The following FLYWCH1 variants were observed in gnomAD, a reference collection of about 807,000 sequenced individuals.
FLYWCH1 encodes FLYWCH-type zinc finger-containing protein 1.
A neutral mutation model predicts 66.4 loss-of-function variants in FLYWCH1; 75 were observed. That is an observed-to-expected ratio of 1.13 (90% CI 0.94 to 1.37). The LOEUF (loss-of-function observed/expected upper bound fraction) is 1.37, where lower values mean the gene tolerates loss of function less well. FLYWCH1 is among the 40% of genes most tolerant of loss of function. FLYWCH1 has a pLI of 0.00. For missense variants in FLYWCH1, 1,334 were observed against 1,001.8 expected (o/e 1.33, Z -4.48); for synonymous variants, 595 against 429.9 (o/e 1.38, Z -4.75).
At chr16:2,932,591 C>T (rs987212924) in intron 4 of FLYWCH1, among the ~76,000 whole-genome samples, 3 of 152,144 alleles carry the variant, frequency 2.0e-5, no homozygotes, top group African/African-American at 4.8e-5. Context: ...CTGCCCTGGG[C>T]ACCTGGGGTG....
In FLYWCH1 at chr16:2,929,626, C is replaced by T; in HGVS notation, c.-60C>T. 1 of 1,538,798 alleles carries T rather than the reference C, an allele frequency of 6.5e-7. No individual in the cohort carries two copies. The highest frequency in any genetic ancestry group is 1.2e-5 in the South Asian group (1 of 82,086). On this transcript the variant is annotated 5_prime_UTR_variant, in exon 3 of 10. Transcript: ENST00000253928. ...TTCCTTCCTTAGGACGGAACCACTG[C>T]ACTCCAGGTTCCTTGCTGGGTGCTG...
chr16:2,916,360 G>A (rs182451268), intron 2 of FLYWCH1, among the ~76,000 whole-genome samples: 1 of 150,692 alleles, frequency 6.6e-6, no homozygotes, highest in East Asian at 2.0e-4. Context: ...TACAGGCCGG[G>A]TGTGGTGGCT....
At chr16:2,921,824 G>C (rs11643446) in intron 2 of FLYWCH1, among the ~76,000 whole-genome samples, 5,763 of 152,272 alleles carry the variant, frequency 0.038, 171 homozygotes, top group Middle Eastern at 0.095. Flanking sequence ...AGCACTTTGG[G>C]AGGCCAAGAC....
chr16:2,929,814 G>C lies in FLYWCH1; in HGVS notation c.129G>C (p.Val43=), dbSNP rs1374989783. 5.0e-6 allele frequency: 8 copies of C among 1,613,868 alleles called. No individual in the cohort carries two copies. The African/African-American group carries it at 1.1e-4, about 22-fold the overall frequency. The part of the protein sequence containing the change: ...PRKPREFSKL[V]LLTASDQDED... ...AGCCCAGGGAGTTCTCCAAACTGGT[G>C]CTGCTCACAGCCTCCGACCAAGATG... Residue 43 remains valine (V), a synonymous_variant, in exon 3 of 10, where the codon GTG becomes GTC. Coordinates refer to ENST00000253928, the MANE Select transcript of FLYWCH1 (RefSeq NM_001308068.2).
intron 2 of FLYWCH1, among the ~76,000 whole-genome samples, chr16:2,926,354 A>G (rs2150931418): frequency 6.6e-6 from 1 of 152,374 alleles, no homozygotes; most frequent in Non-Finnish European, 1.5e-5. Context: ...AAGCAGCTTT[A>G]GAACCGTTTC....
intron 2 of FLYWCH1, among the ~76,000 whole-genome samples, chr16:2,921,675 T>C (rs1955302574): frequency 6.6e-6 from 1 of 151,982 alleles, no homozygotes; most frequent in Non-Finnish European, 1.5e-5. Context: ...GGTGGGAAGA[T>C]GGCTTGAGCC....
rs887423892 is a variant in FLYWCH1, at chr16:2,938,124, C to A, written c.1778-60C>A. ...GCCTGGCTGGGGGATACAAATCAGA[C>A]CCCCAGCCCTGCCACCCAGGCCCCT... On this transcript the variant is annotated intron_variant, in intron 7 of 9. Transcript: ENST00000253928. 6 of 1,531,554 alleles carry A rather than the reference C, an allele frequency of 3.9e-6. No individual in the cohort carries two copies. In the Admixed American group the frequency reaches 5.9e-5, roughly 15 times the overall value. The allele number at this position is 1,531,554 out of a possible 1,614,324, so 94.9% of individuals were successfully genotyped here.
intron 8 of FLYWCH1, among the ~76,000 whole-genome samples, chr16:2,938,874 A>T (rs2071140641): frequency 6.6e-6 from 1 of 150,540 alleles, no homozygotes; most frequent in Non-Finnish European, 1.5e-5. Context: ...GGCCTCCCAA[A>T]GTGCTAGGAT....
At chr16:2,926,279 A>G (rs2070564082) in intron 2 of FLYWCH1, among the ~76,000 whole-genome samples, 1 of 152,254 alleles carries the variant, frequency 6.6e-6, no homozygotes, top group African/African-American at 2.4e-5. Context: ...GCAAAGAATT[A>G]AAACAAGCAA....
chr16:2,946,996 A>T (rs1007366813), intron 9 of FLYWCH1, among the ~76,000 whole-genome samples: 3 of 152,210 alleles, frequency 2.0e-5, no homozygotes, highest in Non-Finnish European at 1.5e-5. Context: ...ACTCCTAGGT[A>T]TGTACCCAGG....
At chr16:2,942,766 G>A (rs549070538) in intron 9 of FLYWCH1, among the ~76,000 whole-genome samples, 4 of 93,808 alleles carry the variant, frequency 4.3e-5, no homozygotes, top group East Asian at 6.3e-4. Flanking sequence ...TCACTCTGTC[G>A]CCCAGGCTGG....
At chr16:2,943,235 G>C (rs1329204273) in intron 9 of FLYWCH1, 2 of 152,086 alleles carry the variant, frequency 1.3e-5, no homozygotes, top group Non-Finnish European at 1.5e-5. Flanking sequence ...CCCTGGTAGA[G>C]AACACTTTGC....
In FLYWCH1 at chr16:2,938,460, C is replaced by T; in HGVS notation, c.2050+4C>T. On this transcript the variant is annotated splice_donor_region_variant and intron_variant, in intron 8 of 9. Coordinates refer to ENST00000253928, the MANE Select transcript of FLYWCH1 (RefSeq NM_001308068.2). ...ACGGCCCAGCAGGAGGACCCAGGTA[C>T]AGGCAGGCTGTGGGGCAGAGGCAGG... 1.3e-6 allele frequency: 2 copies of T among 1,519,354 alleles called. No homozygotes were observed. The highest frequency in any genetic ancestry group is 1.8e-6 in the Non-Finnish European group (2 of 1,135,546). The allele number at this position is 1,519,354 out of a possible 1,614,324, so 94.1% of individuals were successfully genotyped here. A position where few individuals can be genotyped will look rare whatever the true frequency, so the allele number is the denominator to read the frequency against.
At chr16:2,947,719 G>A (rs950853998) in intron 9 of FLYWCH1, among the ~76,000 whole-genome samples, 3 of 149,226 alleles carry the variant, frequency 2.0e-5, no homozygotes, top group African/African-American at 2.5e-5. Flanking sequence ...CAGAGATTGC[G>A]CCATTGCACT....
At position 2,933,139 on chromosome 16, in the gene FLYWCH1, G is replaced by T. The variant is rs373503381; in HGVS notation, c.806G>T (p.Arg269Leu). 1.2e-6 allele frequency: 2 copies of T among 1,612,316 alleles called. No individual in the cohort carries two copies. The highest frequency in any genetic ancestry group is 2.2e-5 in the South Asian group (2 of 90,936). The change falls in exon 5 of 10, where the codon CGG (arginine) becomes CTG (leucine). Residue 269 changes from arginine to leucine, a missense_variant. Physicochemically the swap from Arg to Leu is moderately radical, Grantham distance 102. Transcript: ENST00000253928. The stretch of plus-strand genomic sequence containing the variant: ...TGGGTCTCTCCTCTAGGACAGGCCC[G>T]GCCCCTCGAGTTCCTGAGGACGTGC... Reference protein sequence around the residue: ...KRSILGLGQARPLEFLRTCYG... With the variant: ...KRSILGLGQALPLEFLRTCYG...
chr16:2,933,429 C>A lies in FLYWCH1; in HGVS notation c.1096C>A (p.Leu366Ile). The change falls in exon 5 of 10, where the codon CTC becomes ATC. Residue 366 changes from leucine to isoleucine, a missense_variant. Leu to Ile is a conservative substitution (Grantham distance 5, BLOSUM62 2). Coordinates refer to ENST00000253928, the MANE Select transcript of FLYWCH1 (RefSeq NM_001308068.2). The part of the protein sequence containing the change: ...DGPGSQVDTL[L>I]RGVDSLLYRR... ...CCCTGGGAGCCAAGTGGACACGCTGCTCCGAGGCGTGGATAGTTTGCTCTA... is the reference window on the plus strand; with the variant it reads ...CCCTGGGAGCCAAGTGGACACGCTGATCCGAGGCGTGGATAGTTTGCTCTA... The A allele has an allele frequency of 6.2e-7, 1 of 1,601,008 alleles. No homozygotes were observed. The highest frequency in any genetic ancestry group is 8.5e-7 in the Non-Finnish European group (1 of 1,174,578).
At chr16:2,920,673 C>G (rs1341073400) in intron 2 of FLYWCH1, among the ~76,000 whole-genome samples, 1 of 151,896 alleles carries the variant, frequency 6.6e-6, no homozygotes, top group Non-Finnish European at 1.5e-5. Flanking sequence ...TCCCGAGTAG[C>G]TGGGATTGCA....
At chr16:2,931,528 A>G (rs1460817524) in intron 4 of FLYWCH1, among the ~76,000 whole-genome samples, 1 of 151,548 alleles carries the variant, frequency 6.6e-6, no homozygotes, top group Non-Finnish European at 1.5e-5. Context: ...AGGTGGGAGG[A>G]TCACTTAAGC....
intron 2 of FLYWCH1, among the ~76,000 whole-genome samples, chr16:2,924,303 C>G (rs1175806219): frequency 6.6e-6 from 1 of 151,566 alleles, no homozygotes; most frequent in Non-Finnish European, 1.5e-5. Flanking sequence ...TGCACTCTAG[C>G]CTGGGTGACA....
Sources: allele counts gnomAD v4.1 joint callset (sites outside exome capture counted in the v4.1 genomes callset), GRCh38; gene constraint gnomAD v4.1.1; transcripts MANE v1.5; gene names NCBI Gene and HGNC (gene_info 2026-07-23, HGNC 2026-07-21).